ROBO2: variants seen among roughly 807,000 people sequenced by gnomAD.
ROBO2 encodes the protein roundabout homolog 2.
ROBO2 carries 53 observed loss-of-function variants against 160.8 expected under a neutral mutation model. The observed-to-expected ratio is 0.33, with a 90% confidence interval of 0.26 to 0.41. The LOEUF (loss-of-function observed/expected upper bound fraction) is 0.41. Ranked by LOEUF, ROBO2 falls within the 10% of genes least tolerant of loss-of-function variation. The pLI is 1.00. For missense variants in ROBO2, 1,577 were observed against 1,722.4 expected, an observed-to-expected ratio of 0.92 and a Z score of 1.49; for synonymous variants, 664 against 611.7, an observed-to-expected ratio of 1.09 and a Z score of -1.26.
At chr3:76,450,779 C>T (rs1181014770) in intron 2 of ROBO2, among the ~76,000 whole-genome samples, 1 of 152,066 alleles carries the variant, frequency 6.6e-6, no homozygotes, top group African/African-American at 2.4e-5. Context: ...CAAATGCTTG[C>T]ATTTGAAATA....
At chr3:77,346,600 A>G (rs953708836) in intron 2 of ROBO2, among the ~76,000 whole-genome samples, 1 of 152,098 alleles carries the variant, frequency 6.6e-6, no homozygotes, top group African/African-American at 2.4e-5. Context: ...ACATTCCCGG[A>G]ATCAAGGTGT....
At chr3:77,017,850 A>T (rs1368852195) in intron 2 of ROBO2, among the ~76,000 whole-genome samples, 2 of 152,050 alleles carry the variant, frequency 1.3e-5, no homozygotes, top group Admixed American at 1.3e-4. Context: ...ATTTATGTTA[A>T]CCCATTTATG....
In ROBO2 at chr3:76,506,228, A is replaced by G. The variant is rs552718946; in HGVS notation, c.109+568626A>G. ...CTTGCTTTTAAAAAATATATACACC[A>G]TAGAAATTTATTACTCATGATTCTG... On this transcript the variant is annotated intron_variant, in intron 2 of 26. Coordinates refer to the ROBO2 transcript ENST00000487694. Among the ~76,000 whole-genome samples, 229 of 152,306 alleles carry G rather than the reference A, an allele frequency of 1.5e-3. 2 individuals are homozygous for G. Among genetic ancestry groups the G allele is most frequent in the Non-Finnish European group, 2.6e-3 (175 of 68,026 alleles).
At position 75,964,031 on chromosome 3, in the gene ROBO2, C is replaced by T. The variant is rs185391245; in HGVS notation, c.109+26429C>T. On this transcript the variant is annotated intron_variant, in intron 2 of 26. Transcript: ENST00000487694. ...TATGAATTTGGGGAGAGGGGAGCAGCGTTCAGCCCATAACTAACACATGGT... is the reference window on the plus strand; with the variant it reads ...TATGAATTTGGGGAGAGGGGAGCAGTGTTCAGCCCATAACTAACACATGGT... Among the ~76,000 whole-genome samples, 23 of 151,806 alleles carry T rather than the reference C, an allele frequency of 1.5e-4. 1 individual carries two copies. Among genetic ancestry groups the T allele is most frequent in the Admixed American group, 1.1e-3 (16 of 15,192 alleles).
intron 2 of ROBO2, among the ~76,000 whole-genome samples, chr3:76,334,719 A>G (rs571788129): frequency 6.6e-6 from 1 of 152,320 alleles, no homozygotes; most frequent in Admixed American, 6.5e-5. Flanking sequence ...TCCTAACTAT[A>G]GGATCATTGA....
At chr3:77,107,996 G>A (rs2073039455) in intron 2 of ROBO2, among the ~76,000 whole-genome samples, 1 of 151,064 alleles carries the variant, frequency 6.6e-6, no homozygotes, top group South Asian at 2.1e-4. Flanking sequence ...ACATATATAT[G>A]TGTGTGTGTG....
chr3:76,859,209 T>A (rs952652883), intron 2 of ROBO2, among the ~76,000 whole-genome samples: 1 of 152,086 alleles, frequency 6.6e-6, no homozygotes, highest in African/African-American at 2.4e-5. Context: ...AATAAAGAAA[T>A]GATATGCTGA....
chr3:77,234,164 T>A (rs1158565062), intron 2 of ROBO2, among the ~76,000 whole-genome samples: 1 of 152,104 alleles, frequency 6.6e-6, no homozygotes, highest in Non-Finnish European at 1.5e-5. Flanking sequence ...TAGGACAGGA[T>A]CCTCCCTTCA....
intron 5 of ROBO2, among the ~76,000 whole-genome samples, chr3:77,503,052 A>G (rs1461684932): frequency 6.6e-6 from 1 of 152,132 alleles, no homozygotes; most frequent in Non-Finnish European, 1.5e-5. Flanking sequence ...TCTATATTTT[A>G]AAATAATTTA....
chr3:75,956,095 A>G (rs946057374), intron 2 of ROBO2, among the ~76,000 whole-genome samples: 2 of 151,778 alleles, frequency 1.3e-5, no homozygotes. Context: ...AGACTGCACA[A>G]GGGTGAATTA....
At chr3:76,923,713 C>T (rs768215413) in intron 2 of ROBO2, among the ~76,000 whole-genome samples, 12 of 152,198 alleles carry the variant, frequency 7.9e-5, no homozygotes, top group Non-Finnish European at 1.6e-4. Flanking sequence ...ATTGCAGAAA[C>T]ACTGTGTCCT....
At chr3:77,426,620 G>A (rs902693510) in intron 2 of ROBO2, among the ~76,000 whole-genome samples, 1 of 151,150 alleles carries the variant, frequency 6.6e-6, no homozygotes, top group South Asian at 2.1e-4. Flanking sequence ...GTGTGTGTGT[G>A]TGTGTGTGTG....
At chr3:76,532,047 C>A (rs948924839) in intron 2 of ROBO2, among the ~76,000 whole-genome samples, 2 of 152,146 alleles carry the variant, frequency 1.3e-5, no homozygotes, top group African/African-American at 4.8e-5. Flanking sequence ...GTAGAAGGTA[C>A]TGTTTCCTCT....
At chr3:76,692,540 A>G (rs1360252223) in intron 2 of ROBO2, among the ~76,000 whole-genome samples, 1 of 152,148 alleles carries the variant, frequency 6.6e-6, no homozygotes, top group Non-Finnish European at 1.5e-5. Context: ...TTTTAGAACA[A>G]TGAGATTTAC....
intron 1 of ROBO2, among the ~76,000 whole-genome samples, chr3:77,064,353 T>C (rs532774758): frequency 9.7e-5 from 13 of 133,706 alleles, no homozygotes; most frequent in Non-Finnish European, 1.1e-4. Flanking sequence ...AATTAATACT[T>C]GGATGTATCT....
intron 2 of ROBO2, among the ~76,000 whole-genome samples, chr3:76,631,576 C>T (rs1237626824): frequency 6.6e-6 from 1 of 152,150 alleles, no homozygotes; most frequent in Admixed American, 6.5e-5. Context: ...TCATTGTAAA[C>T]ATAAGATCGT....
chr3:76,392,721 G>C (rs1282827859), intron 2 of ROBO2, among the ~76,000 whole-genome samples: 1 of 152,124 alleles, frequency 6.6e-6, no homozygotes, highest in Non-Finnish European at 1.5e-5. Flanking sequence ...AGATAGATAT[G>C]TTAGAAATAT....
At chr3:77,470,541 G>T (rs574854093) in intron 2 of ROBO2, among the ~76,000 whole-genome samples, 6 of 152,170 alleles carry the variant, frequency 3.9e-5, no homozygotes, top group Non-Finnish European at 7.4e-5. Flanking sequence ...TATCCATGAC[G>T]CTATCTTTGG....
At chr3:76,834,146 CCTTT>C (rs373090731) in intron 2 of ROBO2, among the ~76,000 whole-genome samples, 1 of 120,864 alleles carries the variant, frequency 8.3e-6, no homozygotes, top group East Asian at 2.9e-4. Context: ...TTCCTTCCTT[CCTTT>C]CTTTCTCTCT....
Sources: gnomAD v4.1 joint callset for allele counts (sites outside exome capture counted in the v4.1 genomes callset) on GRCh38, gnomAD v4.1.1 for gene constraint, MANE v1.5 for transcripts, NCBI Gene and HGNC (gene_info 2026-07-23, HGNC 2026-07-21) for gene names.